The following TF variants were observed in gnomAD, a reference collection of about 807,000 sequenced individuals.
The protein encoded by TF is serotransferrin.
TF carries 55 observed loss-of-function variants against 82.4 expected under a neutral mutation model. The observed-to-expected ratio is 0.67, with a 90% CI of 0.54 to 0.84. The LOEUF is 0.84. TF is among the 40% of genes least tolerant of loss of function. The probability of loss-of-function intolerance (pLI) is 0.00; values close to 1 mark genes in which losing one functional copy is unlikely to be tolerated. For synonymous variants in TF, 332 were observed against 332.6 expected (o/e 1.00, Z 0.02); for missense variants, 737 against 868.4 (o/e 0.85, Z 1.90).
chr3:133,792,215 T>C lies in TF; in HGVS notation c.*13595T>C, dbSNP rs1229816752. On this transcript the variant is annotated 3_prime_UTR_variant, in exon 17 of 17. Coordinates refer to ENST00000402696, the MANE Select transcript of TF (RefSeq NM_001063.4). ...AGAAGGTTATAAAGAAAGGAGATTT[T>C]ATATAAGAAAGGATCTTATATCGTA... 2.0e-5 allele frequency: 3 copies of C among 152,230 alleles called. No individual in the cohort carries two copies. The highest frequency in any genetic ancestry group is 4.4e-5 in the Non-Finnish European group (3 of 68,036). 9.4% of individuals were successfully genotyped at this position (152,230 alleles called of 1,614,324 possible). A position where few individuals can be genotyped will look rare whatever the true frequency, so the allele number is the denominator to read the frequency against.
rs759287486 is a variant in TF, at chr3:133,779,137, T to C, written c.*517T>C. 5.1e-4 allele frequency: 80 copies of C among 155,666 alleles called. No homozygotes were observed. The highest frequency in any genetic ancestry group is 7.5e-4 in the Non-Finnish European group (53 of 70,208). 9.6% of individuals were successfully genotyped at this position (155,666 alleles called of 1,614,324 possible). A position where few individuals can be genotyped will look rare whatever the true frequency, so the allele number is the denominator to read the frequency against. On this transcript the variant is annotated 3_prime_UTR_variant, in exon 17 of 17. Transcript: ENST00000402696. Reference sequence around the variant, plus strand: ...AAAGACTACAGAAGACTTACCTTTATTTGGTATTTTAAATGAATTCCATCA... The same window carrying C: ...AAAGACTACAGAAGACTTACCTTTACTTGGTATTTTAAATGAATTCCATCA...
At position 133,783,600 on chromosome 3, in the gene TF, C is replaced by A. The variant is rs1357043658; in HGVS notation, c.*4980C>A. On this transcript the variant is annotated 3_prime_UTR_variant, in exon 17 of 17. Transcript: ENST00000402696. ...TATTAATTTCAGATCATATAAAATT[C>A]AGAAGTCCTGTAAGACAAAAATAGA... 1.3e-5 allele frequency: 2 copies of A among 152,164 alleles called. No individual in the cohort carries two copies. The highest frequency in any genetic ancestry group is 2.9e-5 in the Non-Finnish European group (2 of 68,022). The allele number at this position is 152,164 out of a possible 1,614,324, so 9.4% of individuals were successfully genotyped here.
At chr3:133,689,320 C>G in the TF span, among the ~76,000 whole-genome samples, 1 of 151,300 alleles carries the variant, frequency 6.6e-6, no homozygotes, top group Admixed American at 6.6e-5. Context: ...CGAGACTCTG[C>G]GTCAAAATAA....
At chr3:133,664,991 T>C in the TF span, 1 of 152,104 alleles carries the variant, frequency 6.6e-6, no homozygotes, top group African/African-American at 2.4e-5. Context: ...GCATTGCCCA[T>C]GTGCAAGGAT....
At chr3:133,734,591 A>C in the TF span, among the ~76,000 whole-genome samples, 1 of 152,190 alleles carries the variant, frequency 6.6e-6, no homozygotes, top group African/African-American at 2.4e-5. Context: ...TAAACAGATG[A>C]AGAAAGGGAA....
At chr3:133,760,564 A>G (rs941651837) in intron 9 of TF, 2 of 152,306 alleles carry the variant, frequency 1.3e-5, no homozygotes, top group Non-Finnish European at 2.9e-5. Context: ...GATACAATAG[A>G]TAAAGTTTTT....
chr3:133,680,918 G>A, the TF span, among the ~76,000 whole-genome samples: 2 of 152,042 alleles, frequency 1.3e-5, no homozygotes, highest in Admixed American at 6.6e-5. Context: ...TCTAAAACAG[G>A]GTATGATAAT....
the TF span, among the ~76,000 whole-genome samples, chr3:133,723,779 G>A: frequency 4.0e-5 from 6 of 150,276 alleles, no homozygotes; most frequent in African/African-American, 1.5e-4. Flanking sequence ...TTAGCATTAG[G>A]TATATCTCCT....
At position 133,782,100 on chromosome 3, in the gene TF, C is replaced by T. The variant is rs766506815; in HGVS notation, c.*3480C>T. On this transcript the variant is annotated 3_prime_UTR_variant, in exon 17 of 17. Coordinates refer to ENST00000402696, the MANE Select transcript of TF (RefSeq NM_001063.4). ...TGTGAATTGAAACCATTATGAGACA[C>T]TAGATAATAATAGGATGACTATTAT... The T allele has an allele frequency of 6.6e-6, 1 of 152,014 alleles. No individual in the cohort carries two copies. The highest frequency in any genetic ancestry group is 1.5e-5 in the Non-Finnish European group (1 of 68,006). The allele number at this position is 152,014 out of a possible 1,614,324, so 9.4% of individuals were successfully genotyped here.
At chr3:133,756,519 C>G (rs1933838108) in intron 6 of TF, among the ~76,000 whole-genome samples, 182 bp downstream of exon 6, 2 of 152,278 alleles carry the variant, frequency 1.3e-5, no homozygotes, top group Middle Eastern at 3.4e-3. Context: ...TCCTGGGCCT[C>G]TTTCCATCAT....
At chr3:133,700,987 C>G in the TF span, 1 of 152,596 alleles carries the variant, frequency 6.6e-6, no homozygotes, top group Non-Finnish European at 1.5e-5. Flanking sequence ...AATGGTCCCA[C>G]CTAAGATAGA....
the TF span, among the ~76,000 whole-genome samples, chr3:133,726,968 T>C: frequency 6.6e-6 from 1 of 152,192 alleles, no homozygotes; most frequent in African/African-American, 2.4e-5. Flanking sequence ...TTGAGCGGTT[T>C]TGAGTGATTT....
the TF span, among the ~76,000 whole-genome samples, chr3:133,682,234 A>G: frequency 1.3e-5 from 2 of 152,178 alleles, no homozygotes; most frequent in South Asian, 4.1e-4. Flanking sequence ...GGTAGATAAA[A>G]CCACAAAGAT....
At chr3:133,757,138 C>A in intron 7 of TF, 129 bp downstream of exon 7, 1 of 1,253,122 alleles carries the variant, frequency 8.0e-7, no homozygotes, top group Non-Finnish European at 1.1e-6. Context: ...TGCCACATGT[C>A]ACTAAGTTCT....
chr3:133,767,513 T>A (rs1434493177), intron 12 of TF, among the ~76,000 whole-genome samples: 1 of 152,190 alleles, frequency 6.6e-6, no homozygotes, highest in Non-Finnish European at 1.5e-5. Flanking sequence ...TTCAGAAAAC[T>A]CAGGATCCCC....
the TF span, among the ~76,000 whole-genome samples, chr3:133,698,459 T>C: frequency 6.6e-6 from 1 of 152,192 alleles, no homozygotes; most frequent in Non-Finnish European, 1.5e-5. Context: ...GATCATGATG[T>C]TGGCAGGGTT....
chr3:133,699,555 C>T, the TF span: 3 of 760,410 alleles, frequency 3.9e-6, no homozygotes, highest in South Asian at 1.3e-5. Context: ...GGTCCTTTCT[C>T]ATACTGTCAT....
the TF span, among the ~76,000 whole-genome samples, chr3:133,704,545 T>C: frequency 6.6e-6 from 1 of 152,208 alleles, no homozygotes; most frequent in African/African-American, 2.4e-5. Context: ...ACTTCTGAGA[T>C]TGTGATACTG....
chr3:133,667,727 C>A, the TF span, among the ~76,000 whole-genome samples: 5 of 152,184 alleles, frequency 3.3e-5, no homozygotes, highest in Non-Finnish European at 7.4e-5. Context: ...CTTATCTGAG[C>A]CCTGGCACAA....
Sources: allele counts gnomAD v4.1 joint callset (sites outside exome capture counted in the v4.1 genomes callset), GRCh38; gene constraint gnomAD v4.1.1; transcripts MANE v1.5; gene names NCBI Gene and HGNC (gene_info 2026-07-23, HGNC 2026-07-21).